TMEM117: variants seen among roughly 807,000 people sequenced by gnomAD.
TMEM117 encodes the protein transmembrane protein 117.
In TMEM117, 27 loss-of-function variants were observed where a neutral mutation model predicts 52.4. That is an observed-to-expected ratio of 0.51 (90% CI 0.38 to 0.71). The LOEUF is 0.71. Among genes scored for constraint, TMEM117 ranks in the 30% least tolerant of loss-of-function variants. The pLI is 0.00. For synonymous variants in TMEM117, 215 were observed against 206.3 expected, an observed-to-expected ratio of 1.04 and a Z score of -0.36; for missense variants, 556 against 630.5, an observed-to-expected ratio of 0.88 and a Z score of 1.26.
intron 5 of TMEM117, among the ~76,000 whole-genome samples, chr12:44,231,425 A>G (rs920247722): frequency 6.6e-6 from 1 of 151,842 alleles, no homozygotes; most frequent in Non-Finnish European, 1.5e-5. Context: ...AGCTATTAGA[A>G]ATAATGTCTT....
chr12:44,384,685 C>G (rs1592733574), intron 7 of TMEM117, among the ~76,000 whole-genome samples: 1 of 152,102 alleles, frequency 6.6e-6, no homozygotes. Flanking sequence ...GTAATGCATA[C>G]TGTTTTATTC....
At chr12:44,182,456 T>C (rs1311940074) in intron 4 of TMEM117, among the ~76,000 whole-genome samples, 2 of 152,254 alleles carry the variant, frequency 1.3e-5, no homozygotes, top group East Asian at 3.9e-4. Flanking sequence ...AAAAACCACA[T>C]GATTATCTCA....
At position 44,284,663 on chromosome 12, in the gene TMEM117, T is replaced by C. The variant is rs544313619; in HGVS notation, c.609-14917T>C. Among the ~76,000 whole-genome samples the C allele has an allele frequency of 9.8e-5, 15 of 152,300 alleles. 1 individual carries two copies. In the South Asian group the frequency reaches 3.1e-3, roughly 32 times the overall value. ...TGCAGTAGCATCTCAGCTTGGTGGA[T>C]GATAAAGGATGAACATTTTCCACCT... On this transcript the variant is annotated intron_variant, in intron 5 of 7. Coordinates refer to ENST00000266534, the MANE Select transcript of TMEM117 (RefSeq NM_032256.3).
At chr12:43,926,634 G>T (rs1200755280) in intron 2 of TMEM117, among the ~76,000 whole-genome samples, 2 of 152,058 alleles carry the variant, frequency 1.3e-5, no homozygotes, top group Admixed American at 1.3e-4. Flanking sequence ...TTTAGACATG[G>T]TGTTCTCTTT....
chr12:43,842,188 T>C (rs1943126377), intron 1 of TMEM117, among the ~76,000 whole-genome samples: 1 of 152,170 alleles, frequency 6.6e-6, no homozygotes, highest in Admixed American at 6.5e-5. Context: ...TCATTTTTTT[T>C]GTTCTTCACT....
chr12:44,177,618 A>G (rs1363258515), intron 4 of TMEM117, among the ~76,000 whole-genome samples: 2 of 152,062 alleles, frequency 1.3e-5, no homozygotes, highest in African/African-American at 2.4e-5. Context: ...CATTCTATTC[A>G]CCATGCTTCA....
At chr12:44,094,590 A>G (rs915994703) in intron 3 of TMEM117, among the ~76,000 whole-genome samples, 1 of 152,132 alleles carries the variant, frequency 6.6e-6, no homozygotes, top group Non-Finnish European at 1.5e-5. Context: ...ATAAAAGAGC[A>G]TAAATCAATC....
the TMEM117 span, chr12:43,805,386 G>A: frequency 2.8e-6 from 1 of 355,708 alleles, no homozygotes; most frequent in Non-Finnish European, 5.7e-6. Context: ...AAATCTTTAC[G>A]AATAAAACAT....
intron 6 of TMEM117, among the ~76,000 whole-genome samples, chr12:44,324,338 A>G (rs565000322): frequency 2.0e-5 from 3 of 152,140 alleles, no homozygotes; most frequent in Non-Finnish European, 4.4e-5. Flanking sequence ...TATCATTACT[A>G]TGCTCTATAA....
chr12:43,808,045 A>G, the TMEM117 span, among the ~76,000 whole-genome samples: 20 of 152,240 alleles, frequency 1.3e-4, no homozygotes, highest in Non-Finnish European at 1.5e-5. Flanking sequence ...AGGTTTGGAA[A>G]TTGAACCACA....
intron 5 of TMEM117, among the ~76,000 whole-genome samples, chr12:44,256,067 A>C (rs919270306): frequency 6.6e-6 from 1 of 151,994 alleles, no homozygotes; most frequent in Non-Finnish European, 1.5e-5. Context: ...TAAAAACACT[A>C]GTTAGGAACA....
chr12:44,168,801 A>G (rs1315344541), intron 4 of TMEM117, among the ~76,000 whole-genome samples: 4 of 152,184 alleles, frequency 2.6e-5, no homozygotes, highest in African/African-American at 4.8e-5. Context: ...ACCACCATTC[A>G]TCTCCAGAAC....
intron 3 of TMEM117, among the ~76,000 whole-genome samples, chr12:43,995,195 C>T (rs556566460): frequency 1.1e-4 from 17 of 151,766 alleles, no homozygotes; most frequent in Middle Eastern, 6.8e-3. Context: ...TGCTTGGACC[C>T]GGGAGGCGGA....
chr12:44,176,864 A>C (rs1057201440), intron 4 of TMEM117, among the ~76,000 whole-genome samples: 4 of 152,252 alleles, frequency 2.6e-5, no homozygotes, highest in African/African-American at 9.6e-5. Flanking sequence ...TTAAAATGCT[A>C]TCCTCACAGA....
At chr12:44,016,140 C>T (rs1946370447) in intron 3 of TMEM117, among the ~76,000 whole-genome samples, 1 of 152,192 alleles carries the variant, frequency 6.6e-6, no homozygotes, top group South Asian at 2.1e-4. Context: ...GGTTCTGCCT[C>T]CCCTGAACCC....
At chr12:44,076,860 A>G (rs1192745288) in intron 3 of TMEM117, among the ~76,000 whole-genome samples, 1 of 152,104 alleles carries the variant, frequency 6.6e-6, no homozygotes, top group Admixed American at 6.6e-5. Flanking sequence ...CAAAACACCA[A>G]CCATTTCCAG....
chr12:44,116,697 G>A (rs1317505631), intron 3 of TMEM117, among the ~76,000 whole-genome samples: 1 of 152,110 alleles, frequency 6.6e-6, no homozygotes, highest in Non-Finnish European at 1.5e-5. Flanking sequence ...TTGCTAATTT[G>A]GTGCATGGCA....
chr12:43,800,393 A>T, the TMEM117 span: 2 of 1,482,654 alleles, frequency 1.3e-6, no homozygotes, highest in African/African-American at 2.8e-5. Flanking sequence ...CTCTTTAATC[A>T]TTTTAATTGC....
the TMEM117 span, chr12:43,798,709 AAATG>A: frequency 9.2e-7 from 1 of 1,089,914 alleles, no homozygotes; most frequent in Non-Finnish European, 1.3e-6. Flanking sequence ...GTTTAATATT[AAATG>A]ATATTCAACC....
Sources: allele counts gnomAD v4.1 joint callset (sites outside exome capture counted in the v4.1 genomes callset), GRCh38; gene constraint gnomAD v4.1.1; transcripts MANE v1.5; gene names NCBI Gene and HGNC (gene_info 2026-07-23, HGNC 2026-07-21).